LAIR1: variants seen among roughly 807,000 people sequenced by gnomAD.
The protein encoded by LAIR1 is leukocyte associated immunoglobulin like receptor 1.
Under a neutral mutation model 32.8 loss-of-function variants are expected in LAIR1, and 24 were observed. The observed-to-expected ratio is 0.73, with a 90% CI of 0.53 to 1.03. LAIR1 has a LOEUF of 1.03. Among genes scored for constraint, LAIR1 ranks in the 50% least tolerant of loss-of-function variants. The pLI, the probability that LAIR1 is intolerant of heterozygous loss-of-function variation, is 0.00. For missense variants in LAIR1, 355 were observed against 347.5 expected, an observed-to-expected ratio of 1.02 and a Z score of -0.17; for synonymous variants, 150 against 140.5, an observed-to-expected ratio of 1.07 and a Z score of -0.48.
Position 54,362,089 on chromosome 19 carries a change from T to G in LAIR1, c.71-880A>C, listed in dbSNP as rs540925446. Among the ~76,000 whole-genome samples the G allele has an allele frequency of 3.3e-5, 5 of 152,142 alleles. No homozygotes were observed. In the East Asian group the frequency reaches 5.8e-4, roughly 18 times the overall value. On this transcript the variant is annotated intron_variant, in intron 2 of 9. Coordinates refer to ENST00000391742, the MANE Select transcript of LAIR1 (RefSeq NM_002287.6). ...ATTTAAGGTGTACAACATGATGTTT[T>G]GATACAGGTATACACTGTGGAATCG...
upstream of LAIR1, among the ~76,000 whole-genome samples, chr19:54,369,300 G>T (rs780433888): frequency 6.6e-6 from 1 of 151,382 alleles, no homozygotes; most frequent in Admixed American, 6.6e-5. Flanking sequence ...TGTTTTCCTG[G>T]TTGGACCCTG....
intron 5 of LAIR1, 154 bp downstream of exon 5, chr19:54,356,774 T>A (rs778527204): frequency 1.1e-4 from 134 of 1,174,558 alleles, no homozygotes; most frequent in Non-Finnish European, 1.6e-4. Context: ...ATCCCCTTCT[T>A]CCACCACCGG....
intron 4 of LAIR1, chr19:54,357,378 G>A (rs1293935974): frequency 6.1e-6 from 1 of 165,178 alleles, no homozygotes; most frequent in Non-Finnish European, 1.3e-5. Flanking sequence ...CCCGCAACAA[G>A]AGGAAGGGAG....
Position 54,355,969 on chromosome 19 carries a change from T to C in LAIR1, c.702A>G (p.Arg234=), listed in dbSNP as rs2081679773. Reference sequence around the variant, plus strand: ...GAAGGCTCACCGAGGTGTCCGTCTCTCTGTCCTTCTCAGGAAGTCCATTGA... The same window carrying C: ...GAAGGCTCACCGAGGTGTCCGTCTCCCTGTCCTTCTCAGGAAGTCCATTGA... The part of the protein sequence containing the change: ...ATVNGLPEKD[R]ETDTSALAAG... The change falls in exon 9 of 10, where the codon AGA becomes AGG. Residue 234 remains arginine (R), a synonymous_variant. Coordinates refer to ENST00000391742, the MANE Select transcript of LAIR1 (RefSeq NM_002287.6). The surrounding 1 kb of genome is among the most constrained non-coding windows in gnomAD (Gnocchi z 4.7). 1 of 1,607,384 alleles carries C rather than the reference T, an allele frequency of 6.2e-7. No homozygotes were observed. Among genetic ancestry groups the C allele is most frequent in the Non-Finnish European group, 8.5e-7 (1 of 1,173,692 alleles).
At chr19:54,371,299 T>C (rs2082400508), upstream of LAIR1, among the ~76,000 whole-genome samples, 1 of 151,408 alleles carries the variant, frequency 6.6e-6, no homozygotes, top group Non-Finnish European at 1.5e-5. Flanking sequence ...ATATATATGC[T>C]ATCATTTAAA....
chr19:54,356,119 C>T (rs2081689506), intron 8 of LAIR1, 111 bp downstream of exon 8: 1 of 1,346,372 alleles, frequency 7.4e-7, no homozygotes, highest in African/African-American at 1.4e-5. Flanking sequence ...TATAATACGA[C>T]CTTCTAGAAT....
At chr19:54,365,849 G>T (rs911633414), upstream of LAIR1, among the ~76,000 whole-genome samples, 1 of 151,424 alleles carries the variant, frequency 6.6e-6, no homozygotes, top group Admixed American at 6.6e-5. Context: ...AGCACTATTC[G>T]CAATAGCTAA....
rs375144342 is a variant in LAIR1 at position 54,356,513 on chromosome 19, A to G, written c.561T>C (p.His187=). 8 of 1,613,830 alleles carry G rather than the reference A, an allele frequency of 5.0e-6. No homozygotes were observed. The African/African-American group carries it at 9.4e-5, about 19-fold the overall frequency. ...CLLLLVLFCL[H]RQNQIKQGPP... is the part of the protein sequence containing the mutation. ...TACCCTGCTTTATCTGATTCTGGCG[A>G]TGGAGGCAGAAGAGGACCAGGAGGA... The change falls in exon 6 of 10, where the codon CAT becomes CAC. Residue 187 remains histidine, a synonymous_variant. Coordinates refer to ENST00000391742, the MANE Select transcript of LAIR1 (RefSeq NM_002287.6).
chr19:54,362,331 C>A (rs1318282671), intron 2 of LAIR1, among the ~76,000 whole-genome samples: 1 of 152,178 alleles, frequency 6.6e-6, no homozygotes, highest in Admixed American at 6.5e-5. Context: ...GTTCATTTTT[C>A]TTTCTTTTAA....
chr19:54,369,770 G>T (rs562731913), upstream of LAIR1, among the ~76,000 whole-genome samples: 51 of 151,694 alleles, frequency 3.4e-4, 2 homozygotes, highest in African/African-American at 1.2e-3. Context: ...AACATCTACA[G>T]AAATAAAATG....
intron 2 of LAIR1, among the ~76,000 whole-genome samples, chr19:54,362,423 G>A (rs1284847756): frequency 6.6e-6 from 1 of 152,192 alleles, no homozygotes; most frequent in Non-Finnish European, 1.5e-5. Context: ...ACACACACAG[G>A]ATGCCTGCCG....
chr19:54,374,090 A>G (rs2082463486), upstream of LAIR1, among the ~76,000 whole-genome samples: 1 of 151,028 alleles, frequency 6.6e-6, no homozygotes, highest in African/African-American at 2.5e-5. Flanking sequence ...GTAAGTACAG[A>G]ATTTTTTTTT....
At chr19:54,357,049 G>A (rs1261790725) in intron 4 of LAIR1, 83 bp from the exon 5 acceptor site, 1 of 1,353,742 alleles carries the variant, frequency 7.4e-7, no homozygotes, top group Middle Eastern at 1.8e-4. Context: ...CATCCACTGT[G>A]GGGATCTCCC....
At position 54,364,084 on chromosome 19, in the gene LAIR1, GAAAATAAGAAAAGC is replaced by G. The variant is rs2082146643; in HGVS notation, c.70+197_70+210del. ...TTTGTCAATTAAAAATAAAATTTTT[GAAAATAAGAAAAGC>G]AAAATAAGACAGGTGGAGGATGCGA... On this transcript the variant is annotated intron_variant, in intron 2 of 9. Transcript: ENST00000391742. The surrounding 1 kb of genome is among the most constrained non-coding windows in gnomAD (Gnocchi z 4.8). 6.6e-6 allele frequency among the ~76,000 whole-genome samples: 1 copy of G among 151,966 alleles called. No homozygotes were observed. Among genetic ancestry groups the G allele is most frequent in the Non-Finnish European group, 1.5e-5 (1 of 68,002 alleles).
intron 8 of LAIR1, 94 bp downstream of exon 8, chr19:54,356,136 A>G: frequency 7.2e-7 from 1 of 1,384,950 alleles, no homozygotes; most frequent in Non-Finnish European, 1.0e-6. Context: ...GAATGTTCCC[A>G]AAGATTCTTC....
At chr19:54,367,021 T>C (rs2082278904), upstream of LAIR1, among the ~76,000 whole-genome samples, 1 of 152,122 alleles carries the variant, frequency 6.6e-6, no homozygotes, top group African/African-American at 2.4e-5. Context: ...CTGGAGAAAT[T>C]TGCATAACTA....
intron 4 of LAIR1, among the ~76,000 whole-genome samples, chr19:54,358,856 T>A (rs1483587470): frequency 1.3e-5 from 2 of 151,774 alleles, no homozygotes; most frequent in Non-Finnish European, 2.9e-5. Flanking sequence ...CACCGGGATT[T>A]GAACCATGAA....
chr19:54,359,548 G>T (rs1287097922), intron 4 of LAIR1, among the ~76,000 whole-genome samples: 1 of 152,130 alleles, frequency 6.6e-6, no homozygotes, highest in Non-Finnish European at 1.5e-5. Flanking sequence ...CAGGTTGGAA[G>T]GTGAGTTCTA....
Position 54,356,584 on chromosome 19 carries a change from G to T in LAIR1, c.490C>A (p.Leu164Met), listed in dbSNP as rs756908044. ...PASQGLKAEH[L>M]YILIGVSVVF... ...ACTGAGACCCCGATGAGAATATACAGATGCTCAGCTTTCAGGCCTTGGGAA... is the reference window on the plus strand; with the variant it reads ...ACTGAGACCCCGATGAGAATATACATATGCTCAGCTTTCAGGCCTTGGGAA... The change falls in exon 6 of 10, where the codon CTG becomes ATG. Residue 164 changes from leucine to methionine, a missense_variant. Leu to Met is a conservative substitution (Grantham distance 15, BLOSUM62 2). Transcript: ENST00000391742. 3 of 1,613,936 alleles carry T rather than the reference G, an allele frequency of 1.9e-6. No homozygotes were observed. Among genetic ancestry groups the T allele is most frequent in the Non-Finnish European group, 2.5e-6 (3 of 1,179,972 alleles).
Sources: gnomAD v4.1 joint callset for allele counts (sites outside exome capture counted in the v4.1 genomes callset) on GRCh38, gnomAD v4.1.1 for gene constraint, Gnocchi (gnomAD v3.1) non-coding constraint, MANE v1.5 for transcripts, NCBI Gene and HGNC (gene_info 2026-07-23, HGNC 2026-07-21) for gene names.